Variants in GRM7 observed in about 807,000 individuals in gnomAD.
The protein encoded by GRM7 is glutamate metabotropic receptor 7, also known as metabotropic glutamate receptor 7.
Under a neutral mutation model 84.5 loss-of-function variants are expected in GRM7, and 35 were observed. The ratio of observed to expected loss-of-function variants is 0.41; its 90% CI spans 0.32 to 0.55. GRM7 has a LOEUF of 0.55. Among genes scored for constraint, GRM7 ranks in the 20% least tolerant of loss-of-function variants. The pLI, the probability that GRM7 is intolerant of heterozygous loss-of-function variation, is 0.19. For synonymous variants in GRM7, 487 were observed against 455.1 expected (o/e 1.07, Z -0.89); for missense variants, 1,003 against 1,194.6 (o/e 0.84, Z 2.36).
intron 7 of GRM7, among the ~76,000 whole-genome samples, chr3:7,521,928 G>T (rs550695920): frequency 1.3e-5 from 2 of 152,246 alleles, no homozygotes; most frequent in East Asian, 3.9e-4. Context: ...AGCCCCACCT[G>T]CCTCCACATA....
At position 7,397,975 on chromosome 3, in the gene GRM7, T is replaced by A. The variant is rs188249343; in HGVS notation, c.1034-17048T>A. ...AAACGTGGATGCACCCAAGTTAAAA[T>A]TGACCCATGTGATATAAACGAAACA... On this transcript the variant is annotated intron_variant, in intron 4 of 9. Coordinates refer to ENST00000357716, the MANE Select transcript of GRM7 (RefSeq NM_000844.4). Among the ~76,000 whole-genome samples the A allele has an allele frequency of 8.6e-4, 131 of 152,214 alleles. No homozygotes were observed. In the Middle Eastern group the frequency reaches 0.024, roughly 28 times the overall value.
chr3:7,550,011 T>A lies in GRM7; in HGVS notation c.1516-28411T>A, dbSNP rs73116033. Among the ~76,000 whole-genome samples the A allele has an allele frequency of 3.6e-3, 555 of 152,314 alleles. 6 individuals carry two copies. The highest frequency in any genetic ancestry group is 0.013 in the African/African-American group (536 of 41,562). On this transcript the variant is annotated intron_variant, in intron 7 of 9. Coordinates refer to ENST00000357716, the MANE Select transcript of GRM7 (RefSeq NM_000844.4). The stretch of plus-strand genomic sequence containing the variant: ...TCCAGTTTCTTTTTGCATATCCAAG[T>A]AAATAAAATTTGGATTTTTACCACC...
chr3:7,246,401 A>G (rs1328517421), intron 2 of GRM7, among the ~76,000 whole-genome samples: 1 of 152,122 alleles, frequency 6.6e-6, no homozygotes, highest in Non-Finnish European at 1.5e-5. Context: ...TTGTCTGTGA[A>G]GTTTTTACAA....
chr3:7,535,636 A>T (rs1701211703), intron 7 of GRM7, among the ~76,000 whole-genome samples: 2 of 152,228 alleles, frequency 1.3e-5, no homozygotes, highest in Admixed American at 1.3e-4. Flanking sequence ...CCTTCATAGT[A>T]AGAGTCTCTG....
chr3:7,532,971 C>A lies in GRM7; in HGVS notation c.1516-45451C>A, dbSNP rs551302114. Among the ~76,000 whole-genome samples the A allele has an allele frequency of 3.9e-5, 6 of 151,936 alleles. No homozygotes were observed. The South Asian group carries it at 1.2e-3, about 32-fold the overall frequency. On this transcript the variant is annotated intron_variant, in intron 7 of 9. Coordinates refer to ENST00000357716, the MANE Select transcript of GRM7 (RefSeq NM_000844.4). ...CTGACTATCCTAAATACATATGCCCCCAGTACAGGAGCACCCAGATTCATA... is the reference window on the plus strand; with the variant it reads ...CTGACTATCCTAAATACATATGCCCACAGTACAGGAGCACCCAGATTCATA...
intron 4 of GRM7, among the ~76,000 whole-genome samples, chr3:7,338,825 C>T (rs1451173159): frequency 6.6e-6 from 1 of 151,974 alleles, no homozygotes; most frequent in Non-Finnish European, 1.5e-5. Flanking sequence ...AATTATCTCC[C>T]TTTGGTTTCA....
chr3:7,572,823 AATATATATATATATATATATAT>A (rs1158871205), intron 7 of GRM7, among the ~76,000 whole-genome samples: 1,166 of 12,424 alleles, frequency 0.094, 64 homozygotes, highest in Non-Finnish European at 0.12. Context: ...CTCTATCTCA[AATATATATATATATATATATAT>A]ATATATATAT....
At chr3:7,614,312 G>GGTAAATAATCAGAACATCACTAACATCC (rs1696981529) in intron 8 of GRM7, among the ~76,000 whole-genome samples, 1 of 152,052 alleles carries the variant, frequency 6.6e-6, no homozygotes, top group Non-Finnish European at 1.5e-5. Flanking sequence ...ACAGCACCCA[G>GGTAAATAATCAGAACATCACTAACATCC]GTAAATAATC....
chr3:7,399,088 C>G (rs1404077503), intron 4 of GRM7, among the ~76,000 whole-genome samples: 1 of 151,814 alleles, frequency 6.6e-6, no homozygotes, highest in Admixed American at 6.6e-5. Context: ...ACAGCTTTAC[C>G]CTTCAGAGCA....
intron 4 of GRM7, among the ~76,000 whole-genome samples, chr3:7,365,178 C>G (rs1693825143): frequency 6.6e-6 from 1 of 151,748 alleles, no homozygotes; most frequent in South Asian, 2.1e-4. Context: ...TTTAGAGTAA[C>G]TTGCTCTTCT....
At chr3:7,697,843 C>T (rs543720223) in intron 9 of GRM7, among the ~76,000 whole-genome samples, 1 of 152,282 alleles carries the variant, frequency 6.6e-6, no homozygotes, top group Admixed American at 6.5e-5. Flanking sequence ...CAGCTTTTGG[C>T]TTTCAGTGCC....
chr3:7,547,488 G>A (rs1693222482), intron 7 of GRM7, among the ~76,000 whole-genome samples: 1 of 152,156 alleles, frequency 6.6e-6, no homozygotes, highest in Admixed American at 6.5e-5. Flanking sequence ...TTACAGGCGT[G>A]GGCCACCGCA....
chr3:7,706,046 A>G (rs1281184486), intron 9 of GRM7, among the ~76,000 whole-genome samples: 2 of 151,298 alleles, frequency 1.3e-5, no homozygotes, highest in Non-Finnish European at 2.9e-5. Flanking sequence ...AGAGGTAAAA[A>G]CAACAACACT....
intron 1 of GRM7, among the ~76,000 whole-genome samples, chr3:6,902,843 A>C (rs1474932801): frequency 8.1e-6 from 1 of 122,922 alleles, no homozygotes; most frequent in African/African-American, 3.4e-5. Flanking sequence ...GATCACAAAC[A>C]GACTCCTACA....
At chr3:7,141,642 C>T (rs936007558) in intron 1 of GRM7, among the ~76,000 whole-genome samples, 1 of 151,378 alleles carries the variant, frequency 6.6e-6, no homozygotes, top group African/African-American at 2.4e-5. Flanking sequence ...AAAAGGACAG[C>T]TATGAAGAGG....
intron 4 of GRM7, among the ~76,000 whole-genome samples, chr3:7,408,493 G>A (rs1175145355): frequency 6.6e-6 from 1 of 152,108 alleles, no homozygotes; most frequent in Non-Finnish European, 1.5e-5. Context: ...CAAATAATTT[G>A]TGGGTGCATC....
intron 1 of GRM7, among the ~76,000 whole-genome samples, chr3:7,085,846 T>C (rs945742741): frequency 7.9e-5 from 12 of 152,250 alleles, no homozygotes; most frequent in Non-Finnish European, 5.9e-5. Context: ...TTGGAAAATA[T>C]TATGGGCTGT....
At chr3:7,039,793 T>C (rs1421525378) in intron 1 of GRM7, among the ~76,000 whole-genome samples, 1 of 152,188 alleles carries the variant, frequency 6.6e-6, no homozygotes, top group South Asian at 2.1e-4. Flanking sequence ...TTATTGCCGA[T>C]CGGTTTTTTT....
At chr3:7,649,629 C>CTATT (rs757766260) in intron 8 of GRM7, among the ~76,000 whole-genome samples, 2 of 152,112 alleles carry the variant, frequency 1.3e-5, no homozygotes, top group Admixed American at 6.5e-5. Flanking sequence ...CGTGAGTTGA[C>CTATT]TATTTTTACA....
Sources: gnomAD v4.1 joint callset for allele counts (sites outside exome capture counted in the v4.1 genomes callset) on GRCh38, gnomAD v4.1.1 for gene constraint, MANE v1.5 for transcripts, NCBI Gene and HGNC (gene_info 2026-07-23, HGNC 2026-07-21) for gene names.